GMDS: variants seen among roughly 807,000 people sequenced by gnomAD.
The protein encoded by GMDS is GDP-mannose 4,6-dehydratase.
GMDS carries 20 observed loss-of-function variants against 49.9 expected under a neutral mutation model. The observed-to-expected ratio is 0.40, with a 90% CI of 0.28 to 0.58. The LOEUF (loss-of-function observed/expected upper bound fraction) is 0.58. Among genes scored for constraint, GMDS ranks in the 20% least tolerant of loss-of-function variants. The probability of loss-of-function intolerance (pLI) is 0.42; values close to 1 mark genes in which losing one functional copy is unlikely to be tolerated. For missense variants in GMDS, 362 were observed against 481.4 expected (o/e 0.75, Z 2.32); for synonymous variants, 177 against 178.6 (o/e 0.99, Z 0.07).
intron 9 of GMDS, among the ~76,000 whole-genome samples, chr6:1,691,689 C>G (rs955869412): frequency 6.6e-6 from 1 of 152,140 alleles, no homozygotes; most frequent in Non-Finnish European, 1.5e-5. Flanking sequence ...TTATTTTGCC[C>G]TAACAGCTTT....
chr6:1,896,535 C>T (rs994208882), intron 7 of GMDS, among the ~76,000 whole-genome samples: 2 of 151,978 alleles, frequency 1.3e-5, no homozygotes, highest in African/African-American at 2.4e-5. Context: ...CTGACAAATC[C>T]GGGGAATCTG....
At chr6:2,031,754 A>G (rs1345062002) in intron 4 of GMDS, among the ~76,000 whole-genome samples, 1 of 152,234 alleles carries the variant, frequency 6.6e-6, no homozygotes, top group African/African-American at 2.4e-5. Context: ...GCTGAGGAGC[A>G]GAGTGACTGT....
chr6:1,995,063 G>T (rs1034417079), intron 4 of GMDS, among the ~76,000 whole-genome samples: 1 of 151,968 alleles, frequency 6.6e-6, no homozygotes, highest in Non-Finnish European at 1.5e-5. Context: ...TTATACGAAG[G>T]CACCTTACAA....
intron 9 of GMDS, among the ~76,000 whole-genome samples, chr6:1,716,168 T>G (rs1305871080): frequency 6.6e-6 from 1 of 152,210 alleles, no homozygotes; most frequent in Non-Finnish European, 1.5e-5. Flanking sequence ...TAAAAACATC[T>G]TTAGATTGGT....
At chr6:1,721,946 A>C (rs1766398151) in intron 9 of GMDS, among the ~76,000 whole-genome samples, 1 of 151,714 alleles carries the variant, frequency 6.6e-6, no homozygotes, top group Non-Finnish European at 1.5e-5. Context: ...AGTAATACTC[A>C]CTAGAAGCTT....
chr6:1,751,285 C>T (rs528582898), intron 7 of GMDS, among the ~76,000 whole-genome samples: 2 of 152,260 alleles, frequency 1.3e-5, no homozygotes, highest in South Asian at 2.1e-4. Context: ...CGGGAGATAC[C>T]TCCTAGCAGG....
chr6:2,169,131 C>A (rs1406381827), intron 1 of GMDS, among the ~76,000 whole-genome samples: 4 of 152,068 alleles, frequency 2.6e-5, no homozygotes, highest in African/African-American at 9.7e-5. Flanking sequence ...CTAGGATAAC[C>A]TTAAACATCA....
chr6:2,153,827 T>C (rs1456714297), intron 1 of GMDS, among the ~76,000 whole-genome samples: 1 of 152,134 alleles, frequency 6.6e-6, no homozygotes, highest in Non-Finnish European at 1.5e-5. Context: ...GTTATATACA[T>C]GTGCAAGAAC....
intron 4 of GMDS, among the ~76,000 whole-genome samples, chr6:1,991,583 C>T (rs1765943315): frequency 6.6e-6 from 1 of 152,178 alleles, no homozygotes; most frequent in African/African-American, 2.4e-5. Context: ...TGACTTCTCT[C>T]TCTCCCCAGG....
chr6:1,987,745 T>C (rs529278988), intron 4 of GMDS, among the ~76,000 whole-genome samples: 3 of 152,312 alleles, frequency 2.0e-5, no homozygotes, highest in South Asian at 2.1e-4. Flanking sequence ...AAAATGGAAA[T>C]GTAGTAGGCA....
At chr6:1,827,076 ATATGTGTGTGTGTGTG>A (rs1340692284) in intron 7 of GMDS, among the ~76,000 whole-genome samples, 10 of 111,116 alleles carry the variant, frequency 9.0e-5, no homozygotes, top group South Asian at 3.3e-4. Flanking sequence ...AAAAAAATAT[ATATGTGTGTGTGTGTG>A]TGTGTGTGTG....
At chr6:2,135,276 G>C (rs1775936304) in intron 1 of GMDS, among the ~76,000 whole-genome samples, 1 of 152,014 alleles carries the variant, frequency 6.6e-6, no homozygotes, top group Non-Finnish European at 1.5e-5. Flanking sequence ...ACTATCAAAA[G>C]CCATTGCTTA....
At chr6:1,945,309 C>T (rs1414784790) in intron 6 of GMDS, among the ~76,000 whole-genome samples, 1 of 151,942 alleles carries the variant, frequency 6.6e-6, no homozygotes, top group Non-Finnish European at 1.5e-5. Flanking sequence ...AATGGGCATG[C>T]AGGAGGCAAT....
intron 4 of GMDS, among the ~76,000 whole-genome samples, chr6:2,029,242 C>T (rs1449600840): frequency 2.0e-5 from 3 of 152,140 alleles, no homozygotes; most frequent in South Asian, 4.2e-4. Context: ...GTCTCTCACA[C>T]ACATATATTT....
At chr6:2,089,324 A>G (rs914945209) in intron 4 of GMDS, among the ~76,000 whole-genome samples, 1 of 152,208 alleles carries the variant, frequency 6.6e-6, no homozygotes, top group Non-Finnish European at 1.5e-5. Flanking sequence ...AAATAAAATT[A>G]AAGTCAACTA....
intron 9 of GMDS, among the ~76,000 whole-genome samples, chr6:1,633,629 C>T (rs532376613): frequency 6.6e-6 from 1 of 152,256 alleles, no homozygotes; most frequent in South Asian, 2.1e-4. Flanking sequence ...GTGCACGGGC[C>T]GGTCACAGAA....
intron 4 of GMDS, among the ~76,000 whole-genome samples, chr6:2,051,842 G>C (rs904374950): frequency 1.3e-5 from 2 of 152,062 alleles, no homozygotes; most frequent in Non-Finnish European, 2.9e-5. Context: ...GGGCTGGCTG[G>C]GTGCAGTGGC....
intron 1 of GMDS, among the ~76,000 whole-genome samples, chr6:2,153,989 A>G (rs888272818): frequency 1.3e-5 from 2 of 152,140 alleles, no homozygotes; most frequent in Non-Finnish European, 2.9e-5. Flanking sequence ...GTGACCAGAG[A>G]GACTTTATAT....
intron 8 of GMDS, among the ~76,000 whole-genome samples, chr6:1,739,996 C>T (rs1767199846): frequency 6.6e-6 from 1 of 152,198 alleles, no homozygotes. Flanking sequence ...TGCGTATCAT[C>T]CTTCGCAACT....
Sources: allele counts gnomAD v4.1 joint callset (sites outside exome capture counted in the v4.1 genomes callset), GRCh38; gene constraint gnomAD v4.1.1; transcripts MANE v1.5; gene names NCBI Gene and HGNC (gene_info 2026-07-23, HGNC 2026-07-21).